Variants in TRAK2 observed in about 807,000 individuals in gnomAD.
TRAK2 encodes the protein trafficking kinesin protein 2.
In TRAK2, 81 loss-of-function variants were observed where a neutral mutation model predicts 104.6. The observed-to-expected ratio is 0.77, with a 90% CI of 0.65 to 0.93. The LOEUF is 0.93. TRAK2 is among the 40% of genes least tolerant of loss of function. The pLI, the probability that TRAK2 is intolerant of heterozygous loss-of-function variation, is 0.00. For missense variants in TRAK2, 1,002 were observed against 1,089.0 expected, an observed-to-expected ratio of 0.92 and a Z score of 1.12; for synonymous variants, 406 against 394.4, an observed-to-expected ratio of 1.03 and a Z score of -0.35.
At position 201,379,350 on chromosome 2, in the gene TRAK2, C is replaced by T. The variant is rs1951316961; in HGVS notation, c.*1193G>A. The T allele has an allele frequency of 6.6e-6, 1 of 152,268 alleles. No homozygotes were observed. Among genetic ancestry groups the T allele is most frequent in the Non-Finnish European group, 1.5e-5 (1 of 68,012 alleles). The allele number at this position is 152,268 out of a possible 1,614,324, so 9.4% of individuals were successfully genotyped here. A position where few individuals can be genotyped will look rare whatever the true frequency, so the allele number is the denominator to read the frequency against. On this transcript the variant is annotated 3_prime_UTR_variant, in exon 16 of 16. Transcript: ENST00000332624. ...AGAAAAAGAAAAAGCTTTGACTCCCCCATTAAAAAGTTTATTCTCTAATTC... is the reference window on the plus strand; with the variant it reads ...AGAAAAAGAAAAAGCTTTGACTCCCTCATTAAAAAGTTTATTCTCTAATTC...
intron 8 of TRAK2, 156 bp downstream of exon 8, chr2:201,395,158 A>T: frequency 9.2e-6 from 6 of 650,570 alleles, no homozygotes; most frequent in South Asian, 8.7e-5. Context: ...ATGATATCTT[A>T]TATGACATAA....
At position 201,397,925 on chromosome 2, in the gene TRAK2, CTG is replaced by C. The variant is rs1387212548; in HGVS notation, c.690+218_690+219del. On this transcript the variant is annotated intron_variant, in intron 6 of 15. Transcript: ENST00000332624. ...AACTCCACAAGATACATTTTCTATC[CTG>C]TGACTTTCACTATTGTACTGTCAAC... The C allele has an allele frequency of 2.3e-5, 13 of 573,218 alleles. No individual in the cohort carries two copies. The East Asian group carries it at 3.3e-4, about 15-fold the overall frequency. 35.5% of individuals were successfully genotyped at this position (573,218 alleles called of 1,614,324 possible). A position where few individuals can be genotyped will look rare whatever the true frequency, so the allele number is the denominator to read the frequency against.
chr2:201,384,087 C>T, intron 15 of TRAK2, 24 bp downstream of exon 15: 2 of 1,479,206 alleles, frequency 1.4e-6, no homozygotes, highest in South Asian at 1.2e-5. Flanking sequence ...GAAGTGAGGC[C>T]CCAGATTTCC....
intron 3 of TRAK2, among the ~76,000 whole-genome samples, chr2:201,405,971 G>A (rs1951591419): frequency 5.3e-5 from 8 of 152,148 alleles, no homozygotes; most frequent in Admixed American, 4.6e-4. Flanking sequence ...GCAACAGAAC[G>A]AGACTCCGTC....
Position 201,412,844 on chromosome 2 carries a change from C to G in TRAK2, c.92-5247G>C. 8.2e-6 allele frequency: 7 copies of G among 848,756 alleles called. No homozygotes were observed. In the South Asian group the frequency reaches 9.6e-5, roughly 12 times the overall value. The allele number at this position is 848,756 out of a possible 1,614,324, so 52.6% of individuals were successfully genotyped here. A position where few individuals can be genotyped will look rare whatever the true frequency, so the allele number is the denominator to read the frequency against. On this transcript the variant is annotated intron_variant, in intron 2 of 15. Coordinates refer to ENST00000332624, the MANE Select transcript of TRAK2 (RefSeq NM_015049.3). Reference sequence around the variant, plus strand: ...AATCCTTTAGAAACCTGAAGCAAACCACATTTGGTTTCTACATCATAAAGT... The same window carrying G: ...AATCCTTTAGAAACCTGAAGCAAACGACATTTGGTTTCTACATCATAAAGT...
chr2:201,397,473 G>C, intron 7 of TRAK2, 29 bp downstream of exon 7: 1 of 1,553,014 alleles, frequency 6.4e-7, no homozygotes. Flanking sequence ...TGTCCAAAAA[G>C]GTACAAAAGA....
intron 1 of TRAK2, among the ~76,000 whole-genome samples, chr2:201,424,454 G>A (rs1357658835): frequency 6.6e-6 from 1 of 152,086 alleles, no homozygotes; most frequent in Non-Finnish European, 1.5e-5. Context: ...GCTATCTAGT[G>A]AATGATCAGC....
intron 10 of TRAK2, among the ~76,000 whole-genome samples, chr2:201,390,746 C>T (rs1414475128): frequency 2.0e-5 from 3 of 151,402 alleles, no homozygotes; most frequent in Non-Finnish European, 4.4e-5. Context: ...TGGTATTTAA[C>T]GATTGCTTTT....
rs369771149 is a variant in TRAK2 at position 201,418,810 on chromosome 2, CTTT to C, written c.91+1604_91+1606del. On this transcript the variant is annotated intron_variant, in intron 2 of 15. Coordinates refer to ENST00000332624, the MANE Select transcript of TRAK2 (RefSeq NM_015049.3). Reference sequence around the variant, plus strand: ...AGAAGTAAAAACTATAAAACTTTTTCTTTTATGTGCAGATTTCTTAGAAACGAC... The same window carrying C: ...AGAAGTAAAAACTATAAAACTTTTTCTATGTGCAGATTTCTTAGAAACGAC... Among the ~76,000 whole-genome samples, 1,051 of 152,246 alleles carry C rather than the reference CTTT, an allele frequency of 6.9e-3. 6 individuals carry two copies. Among genetic ancestry groups the C allele is most frequent in the Middle Eastern group, 0.01 (3 of 294 alleles).
At chr2:201,435,704 T>C (rs557968604) in intron 1 of TRAK2, among the ~76,000 whole-genome samples, 1 of 152,322 alleles carries the variant, frequency 6.6e-6, no homozygotes, top group South Asian at 2.1e-4. Context: ...AGGAAAGAAA[T>C]ACTTTTTGTT....
intron 1 of TRAK2, among the ~76,000 whole-genome samples, chr2:201,449,649 T>C (rs540828779): frequency 1.3e-5 from 2 of 150,446 alleles, no homozygotes; most frequent in East Asian, 3.9e-4. Context: ...CATGCCTGGC[T>C]AATTTTTTTT....
intron 14 of TRAK2, 22 bp from the exon 15 acceptor site, chr2:201,384,238 C>A (rs775723596): frequency 6.4e-7 from 1 of 1,552,854 alleles, no homozygotes; most frequent in Non-Finnish European, 8.9e-7. Context: ...TTTTAGGGAG[C>A]AAATACAAGA....
intron 3 of TRAK2, among the ~76,000 whole-genome samples, chr2:201,406,731 T>C (rs1245656337): frequency 6.6e-6 from 1 of 152,186 alleles, no homozygotes; most frequent in African/African-American, 2.4e-5. Flanking sequence ...ACCAAATGAA[T>C]TTTTAGAAAA....
intron 1 of TRAK2, among the ~76,000 whole-genome samples, chr2:201,425,857 C>T (rs56211022): frequency 0.049 from 7,426 of 152,198 alleles, 261 homozygotes; most frequent in Non-Finnish European, 0.075. Context: ...AACAGAGCTG[C>T]GGTTCTTTTA....
intron 1 of TRAK2, among the ~76,000 whole-genome samples, chr2:201,436,391 A>C (rs910737824): frequency 6.6e-6 from 1 of 152,222 alleles, no homozygotes; most frequent in Non-Finnish European, 1.5e-5. Context: ...TTTAGGCGCT[A>C]GTTTCAATAA....
intron 1 of TRAK2, among the ~76,000 whole-genome samples, chr2:201,443,648 T>G (rs1951942489): frequency 6.6e-6 from 1 of 152,160 alleles, no homozygotes; most frequent in African/African-American, 2.4e-5. Context: ...CACTGAATAC[T>G]AGATTCCTCC....
At chr2:201,422,473 C>T (rs1559450146) in intron 1 of TRAK2, among the ~76,000 whole-genome samples, 1 of 151,452 alleles carries the variant, frequency 6.6e-6, no homozygotes, top group African/African-American at 2.4e-5. Context: ...CTCATGCCTG[C>T]TCTTCACAGG....
rs747999868 is a variant in TRAK2 at position 201,387,744 on chromosome 2, C to T, written c.1655G>A (p.Gly552Asp). The T allele has an allele frequency of 1.2e-6, 2 of 1,611,678 alleles. No homozygotes were observed. Among genetic ancestry groups the T allele is most frequent in the Non-Finnish European group, 1.7e-6 (2 of 1,178,628 alleles). ...AATTTGTAATTTTTCTGGCATAAAA[C>T]CTCGAAGGCAACTGGCACTGCTGAG... ...TDLSSASCLR[G>D]FMPEKLQIVK... Residue 552 changes from glycine (G) to aspartate (D), a missense_variant, in exon 13 of 16, where the codon GGT (glycine) becomes GAT (aspartate). Physicochemically the swap from Gly to Asp is moderately conservative, Grantham distance 94. Transcript: ENST00000332624.
At chr2:201,430,850 G>T (rs1287735472) in intron 1 of TRAK2, among the ~76,000 whole-genome samples, 1 of 152,210 alleles carries the variant, frequency 6.6e-6, no homozygotes, top group Non-Finnish European at 1.5e-5. Context: ...AAGCCCCAGT[G>T]AGATGAACCG....
Sources: gnomAD v4.1 joint callset for allele counts (sites outside exome capture counted in the v4.1 genomes callset) on GRCh38, gnomAD v4.1.1 for gene constraint, MANE v1.5 for transcripts, NCBI Gene and HGNC (gene_info 2026-07-23, HGNC 2026-07-21) for gene names.